TMEM65: variants seen among roughly 807,000 people sequenced by gnomAD.
TMEM65 encodes the protein transmembrane protein 65.
Under a neutral mutation model 25.4 loss-of-function variants are expected in TMEM65, and 22 were observed. That is an observed-to-expected ratio of 0.86 (90% CI 0.62 to 1.23). The LOEUF is 1.23. Among genes scored for constraint, TMEM65 ranks in the 50% most tolerant of loss-of-function variants. The pLI is 0.00. For synonymous variants in TMEM65, 132 were observed against 126.2 expected, an observed-to-expected ratio of 1.05 and a Z score of -0.31; for missense variants, 262 against 308.2, an observed-to-expected ratio of 0.85 and a Z score of 1.12.
chr8:124,342,865 AT>A (rs1321834986), intron 1 of TMEM65, among the ~76,000 whole-genome samples: 3 of 152,166 alleles, frequency 2.0e-5, no homozygotes, highest in African/African-American at 7.2e-5. Flanking sequence ...CACCTAATGA[AT>A]CATTTGACCA....
rs1554589073 is a variant in TMEM65, at chr8:124,333,470, C to CAT, written c.305-2679_305-2678insAT. On this transcript the variant is annotated intron_variant, in intron 1 of 6. Coordinates refer to ENST00000297632, the MANE Select transcript of TMEM65 (RefSeq NM_194291.3). ...TTCTTTCCATCTGTGTGTGTGTGTG[C>CAT]GTGTGTGTGTGTGTGTGTGTGTGTG... Among the ~76,000 whole-genome samples the CAT allele has an allele frequency of 5.2e-4, 78 of 149,242 alleles. No homozygotes were observed. The East Asian group carries it at 0.014, about 27-fold the overall frequency.
At chr8:124,319,569 G>A (rs1054780408) in intron 6 of TMEM65, among the ~76,000 whole-genome samples, 2 of 151,568 alleles carry the variant, frequency 1.3e-5, no homozygotes, top group South Asian at 4.1e-4. Context: ...CAGTATGCTT[G>A]GAACTCCTCT....
intron 1 of TMEM65, among the ~76,000 whole-genome samples, chr8:124,345,685 C>T (rs908748417): frequency 7.9e-5 from 12 of 152,220 alleles, no homozygotes; most frequent in African/African-American, 2.9e-4. Context: ...TCTTACACTG[C>T]TATAAAGATA....
chr8:124,325,638 A>T (rs1292456161), intron 3 of TMEM65, among the ~76,000 whole-genome samples: 1 of 152,032 alleles, frequency 6.6e-6, no homozygotes, highest in Non-Finnish European at 1.5e-5. Context: ...AATAACAGGT[A>T]TTACTAATTT....
intron 1 of TMEM65, among the ~76,000 whole-genome samples, chr8:124,333,812 G>A (rs1380189318): frequency 6.6e-6 from 1 of 152,148 alleles, no homozygotes; most frequent in Non-Finnish European, 1.5e-5. Flanking sequence ...CTGTGGGCAG[G>A]CTCCAGTCAC....
chr8:124,315,615 C>T (rs1035581718), intron 6 of TMEM65, among the ~76,000 whole-genome samples: 2 of 152,068 alleles, frequency 1.3e-5, no homozygotes, highest in Non-Finnish European at 2.9e-5. Flanking sequence ...GCCACCCCGC[C>T]CAGCCCACAT....
chr8:124,371,408 T>C (rs562105330), intron 1 of TMEM65, among the ~76,000 whole-genome samples: 1 of 152,330 alleles, frequency 6.6e-6, no homozygotes, highest in South Asian at 2.1e-4. Context: ...AAAAAGTTTC[T>C]TCCTGCCAGG....
chr8:124,348,027 G>A (rs1814660407), intron 1 of TMEM65, among the ~76,000 whole-genome samples: 1 of 128,560 alleles, frequency 7.8e-6, no homozygotes, highest in Non-Finnish European at 1.7e-5. Context: ...AGAAGCTGGG[G>A]TTACAGGCAG....
chr8:124,308,058 G>C lies in TMEM65; in HGVS notation c.*5902C>G, dbSNP rs981041510. On this transcript the variant is annotated 3_prime_UTR_variant, in exon 7 of 7. Coordinates refer to ENST00000297632, the MANE Select transcript of TMEM65 (RefSeq NM_194291.3). ...TCTTGAAGGGAAAAGATAAACACCA[G>C]CTGCCAGTCTTCTGGCAGTATAACA... 3 of 152,134 alleles carry C rather than the reference G, an allele frequency of 2.0e-5. No individual in the cohort carries two copies. The highest frequency in any genetic ancestry group is 6.6e-5 in the Admixed American group (1 of 15,262). 9.4% of individuals were successfully genotyped at this position (152,134 alleles called of 1,614,324 possible).
At chr8:124,349,355 G>A (rs1038038472) in intron 1 of TMEM65, among the ~76,000 whole-genome samples, 2 of 151,510 alleles carry the variant, frequency 1.3e-5, no homozygotes, top group Non-Finnish European at 2.9e-5. Flanking sequence ...AAAAAAAATT[G>A]AAGTTAAAAT....
chr8:124,358,375 T>C (rs977619171), intron 1 of TMEM65, among the ~76,000 whole-genome samples: 31 of 152,310 alleles, frequency 2.0e-4, no homozygotes, highest in African/African-American at 6.5e-4. Context: ...CCTCCTTACA[T>C]ATTTTAAGCC....
chr8:124,372,540 C>G lies in TMEM65; in HGVS notation c.-383G>C, dbSNP rs1030689381. 6.4e-6 allele frequency: 1 copy of G among 155,926 alleles called. No homozygotes were observed. The highest frequency in any genetic ancestry group is 1.9e-4 in the East Asian group (1 of 5,270). 9.7% of individuals were successfully genotyped at this position (155,926 alleles called of 1,614,324 possible). Reference sequence around the variant, plus strand: ...TCTGATCTTCCAGAGGATGAGTCAGCCACGCACCGCCCTCCTCCAGCGCCG... The same window carrying G: ...TCTGATCTTCCAGAGGATGAGTCAGGCACGCACCGCCCTCCTCCAGCGCCG... On this transcript the variant is annotated 5_prime_UTR_variant, in exon 1 of 7. Coordinates refer to ENST00000297632, the MANE Select transcript of TMEM65 (RefSeq NM_194291.3).
chr8:124,315,288 T>A (rs1177340695), intron 6 of TMEM65, among the ~76,000 whole-genome samples: 1 of 151,318 alleles, frequency 6.6e-6, no homozygotes, highest in African/African-American at 2.4e-5. Context: ...TCTTATACAT[T>A]GTCTATTTAG....
intron 1 of TMEM65, among the ~76,000 whole-genome samples, chr8:124,335,066 A>C (rs1003612637): frequency 6.6e-6 from 1 of 152,188 alleles, no homozygotes; most frequent in Non-Finnish European, 1.5e-5. Context: ...AAATTTCCCA[A>C]ATTTAGTGCA....
intron 1 of TMEM65, among the ~76,000 whole-genome samples, chr8:124,342,462 A>C (rs560624847): frequency 6.6e-6 from 1 of 152,324 alleles, no homozygotes; most frequent in Admixed American, 6.5e-5. Flanking sequence ...TAGTTCAGCC[A>C]GTACTGAAAT....
At position 124,368,653 on chromosome 8, in the gene TMEM65, T is replaced by C. The variant is rs76915502; in HGVS notation, c.304+3201A>G. Among the ~76,000 whole-genome samples the C allele has an allele frequency of 1.8e-4, 28 of 152,342 alleles. No individual in the cohort carries two copies. In the East Asian group the frequency reaches 5.2e-3, roughly 28 times the overall value. On this transcript the variant is annotated intron_variant, in intron 1 of 6. Coordinates refer to ENST00000297632, the MANE Select transcript of TMEM65 (RefSeq NM_194291.3). ...TGTCATGAGAATACTCAGGCAGCCC[T>C]GTGGAGGACCACATGGGAGGGAATT...
In TMEM65 at chr8:124,306,492, T is replaced by C. The variant is rs995693801; in HGVS notation, c.*7468A>G. 2 of 152,294 alleles carry C rather than the reference T, an allele frequency of 1.3e-5. No individual in the cohort carries two copies. The highest frequency in any genetic ancestry group is 3.9e-4 in the East Asian group (2 of 5,182). 9.4% of individuals were successfully genotyped at this position (152,294 alleles called of 1,614,324 possible). A position where few individuals can be genotyped will look rare whatever the true frequency, so the allele number is the denominator to read the frequency against. On this transcript the variant is annotated 3_prime_UTR_variant, in exon 7 of 7. Transcript: ENST00000297632. ...CATATTTTGATAAATATATTGAAAA[T>C]TTTTTTGGAAATTTGCAACAATTTA...
At chr8:124,356,769 G>A (rs1243546007) in intron 1 of TMEM65, among the ~76,000 whole-genome samples, 4 of 151,976 alleles carry the variant, frequency 2.6e-5, no homozygotes, top group East Asian at 1.9e-4. Context: ...GTGTAATGGC[G>A]TGATCTCAGC....
intron 2 of TMEM65, among the ~76,000 whole-genome samples, chr8:124,327,889 C>T (rs1339361078): frequency 6.6e-6 from 1 of 152,170 alleles, no homozygotes; most frequent in East Asian, 1.9e-4. Context: ...TATTTGGGTG[C>T]TTTTACTAAC....
Sources: allele counts gnomAD v4.1 joint callset (sites outside exome capture counted in the v4.1 genomes callset), GRCh38; gene constraint gnomAD v4.1.1; transcripts MANE v1.5; gene names NCBI Gene and HGNC (gene_info 2026-07-23, HGNC 2026-07-21).